Variants in HERC5 observed in about 807,000 individuals in gnomAD.
HERC5 encodes E3 ISG15--protein ligase HERC5.
Under a neutral mutation model 119.6 loss-of-function variants are expected in HERC5, and 99 were observed. That is an observed-to-expected ratio of 0.83 (90% CI 0.70 to 0.98). The LOEUF is 0.98. Among genes scored for constraint, HERC5 ranks in the 50% least tolerant of loss-of-function variants. The probability of loss-of-function intolerance (pLI) is 0.00; values close to 1 mark genes in which losing one functional copy is unlikely to be tolerated. For synonymous variants in HERC5, 478 were observed against 445.9 expected (o/e 1.07, Z -0.91); for missense variants, 1,267 against 1,241.3 (o/e 1.02, Z -0.31).
At chr4:88,486,736 C>T (rs1370038023) in intron 14 of HERC5, among the ~76,000 whole-genome samples, 1 of 152,218 alleles carries the variant, frequency 6.6e-6, no homozygotes, top group East Asian at 1.9e-4. Flanking sequence ...AGCTAACCAG[C>T]TACCCATGTT....
At chr4:88,486,819 C>G (rs900741972) in intron 14 of HERC5, among the ~76,000 whole-genome samples, 3 of 152,214 alleles carry the variant, frequency 2.0e-5, no homozygotes, top group Non-Finnish European at 1.5e-5. Flanking sequence ...GCAGAACAGA[C>G]TCTTTGGGAA....
At chr4:88,479,968 G>C (rs1741223228) in intron 13 of HERC5, among the ~76,000 whole-genome samples, 1 of 151,708 alleles carries the variant, frequency 6.6e-6, no homozygotes, top group African/African-American at 2.4e-5. Flanking sequence ...TCGGGAGGCT[G>C]AGGCAGGAGA....
rs768515516 is a variant in HERC5 at position 88,463,935 on chromosome 4, T to C, written c.861T>C (p.Cys287=). The C allele has an allele frequency of 3.1e-6, 5 of 1,613,766 alleles. No homozygotes were observed. The highest frequency in any genetic ancestry group is 4.2e-6 in the Non-Finnish European group (5 of 1,179,922). The change falls in exon 6 of 23, where the codon TGT becomes TGC. Residue 287 remains cysteine (C), a synonymous_variant. Coordinates refer to ENST00000264350, the MANE Select transcript of HERC5 (RefSeq NM_016323.4). Reference sequence around the variant, plus strand: ...CAACACAGAATGAGCTAAGACCCTGTTTGGTGGCTGAGCTTGTTGGGTATA... The same window carrying C: ...CAACACAGAATGAGCTAAGACCCTGCTTGGTGGCTGAGCTTGTTGGGTATA... ...HNSTQNELRP[C]LVAELVGYRV...
chr4:88,480,690 T>C (rs773398871), intron 13 of HERC5, among the ~76,000 whole-genome samples: 15 of 152,370 alleles, frequency 9.8e-5, no homozygotes, highest in Admixed American at 2.6e-4. Flanking sequence ...TGTCTGACTT[T>C]AACATTTTGA....
chr4:88,460,929 G>T (rs905412370), intron 3 of HERC5, among the ~76,000 whole-genome samples: 1 of 152,160 alleles, frequency 6.6e-6, no homozygotes, highest in Non-Finnish European at 1.5e-5. Context: ...GTTTGAGGCT[G>T]CAGTGAGCCA....
chr4:88,462,116 T>G lies in HERC5; in HGVS notation c.467-19T>G. On this transcript the variant is annotated intron_variant, in intron 3 of 22. Transcript: ENST00000264350. The stretch of plus-strand genomic sequence containing the variant: ...CATTTTAAATGGAATAAAACAGCAT[T>G]TGCTTTGTTTATGTCAAGGTGGTGA... The G allele has an allele frequency of 6.2e-7, 1 of 1,603,994 alleles. No homozygotes were observed. The highest frequency in any genetic ancestry group is 8.5e-7 in the Non-Finnish European group (1 of 1,172,618).
chr4:88,500,168 C>G (rs536252698), intron 19 of HERC5, among the ~76,000 whole-genome samples, 176 bp downstream of exon 19: 2 of 152,246 alleles, frequency 1.3e-5, no homozygotes, highest in East Asian at 3.9e-4. Context: ...TAACAGCCAA[C>G]CCTAAAACCT....
chr4:88,457,167 G>T lies in HERC5; in HGVS notation c.-103G>T, dbSNP rs1437710020. The T allele has an allele frequency of 2.4e-6, 3 of 1,235,862 alleles. No homozygotes were observed. The highest frequency in any genetic ancestry group is 1.6e-5 in the African/African-American group (1 of 64,324). 76.6% of individuals were successfully genotyped at this position (1,235,862 alleles called of 1,614,324 possible). A position where few individuals can be genotyped will look rare whatever the true frequency, so the allele number is the denominator to read the frequency against. On this transcript the variant is annotated 5_prime_UTR_variant, in exon 1 of 23. Transcript: ENST00000264350. ...GACGCCACGCAGCTGCGCGCAGCTG[G>T]TTCCCGCTCTGCAGCGCAACGCCTG...
At chr4:88,457,631 G>T in intron 1 of HERC5, 97 bp downstream of exon 1, 1 of 1,181,768 alleles carries the variant, frequency 8.5e-7, no homozygotes, top group Non-Finnish European at 1.1e-6. Context: ...CCTGAGGGAG[G>T]AGAGCCCAGA....
intron 12 of HERC5, among the ~76,000 whole-genome samples, chr4:88,478,289 C>G (rs1741153774): frequency 6.6e-6 from 1 of 152,170 alleles, no homozygotes; most frequent in South Asian, 2.1e-4. Context: ...ATAATATATA[C>G]TAAAATATTT....
At chr4:88,466,958 ACT>A (rs1740689375) in intron 6 of HERC5, 99 bp from the exon 7 acceptor site, 1 of 1,121,822 alleles carries the variant, frequency 8.9e-7, no homozygotes, top group South Asian at 1.5e-5. Context: ...GTTTAGTTTC[ACT>A]CTCACTGGGT....
chr4:88,491,343 C>A (rs1219280879), intron 16 of HERC5, among the ~76,000 whole-genome samples: 2 of 152,082 alleles, frequency 1.3e-5, no homozygotes, highest in African/African-American at 4.8e-5. Context: ...AGAAAATGCA[C>A]TGAATCTGAA....
chr4:88,470,236 T>G (rs777789865), intron 9 of HERC5, among the ~76,000 whole-genome samples: 20 of 152,202 alleles, frequency 1.3e-4, no homozygotes, highest in Non-Finnish European at 2.4e-4. Context: ...CTTCCCCCAT[T>G]TAATTTCTGG....
At chr4:88,494,134 AAT>A (rs1160625644) in intron 17 of HERC5, 29 bp from the exon 18 acceptor site, 1 of 1,465,332 alleles carries the variant, frequency 6.8e-7, no homozygotes, top group Non-Finnish European at 9.4e-7. Context: ...AAAAACTCAT[AAT>A]ACTTTAAGAT....
chr4:88,492,305 A>C (rs897636927), intron 16 of HERC5, among the ~76,000 whole-genome samples: 1 of 151,870 alleles, frequency 6.6e-6, no homozygotes, highest in Non-Finnish European at 1.5e-5. Flanking sequence ...CGCCCGGCCA[A>C]TTTTTATGAT....
chr4:88,479,374 A>G lies in HERC5; in HGVS notation c.1604A>G (p.Gln535Arg). 1.9e-6 allele frequency: 3 copies of G among 1,607,444 alleles called. No homozygotes were observed. The highest frequency in any genetic ancestry group is 2.5e-6 in the Non-Finnish European group (3 of 1,178,250). Residue 535 changes from glutamine (Q) to arginine (R), a missense_variant, in exon 13 of 23, where the codon CAA (glutamine) becomes CGA (arginine). Gln to Arg is a conservative substitution (Grantham distance 43). Transcript: ENST00000264350. The stretch of plus-strand genomic sequence containing the variant: ...TCAGAAGAGTATTGGGCAACTCTGC[A>G]AGAATCCACTTTCAGCAAACTGGTC... ...LVLEEYWATL[Q>R]ESTFSKLVQM...
intron 11 of HERC5, among the ~76,000 whole-genome samples, chr4:88,474,299 A>G (rs1440633205): frequency 6.6e-6 from 1 of 152,204 alleles, no homozygotes; most frequent in Non-Finnish European, 1.5e-5. Flanking sequence ...TTTTTACTCA[A>G]AACAAGTTGC....
chr4:88,501,015 G>A, intron 20 of HERC5, 30 bp downstream of exon 20: 1 of 1,448,600 alleles, frequency 6.9e-7, no homozygotes, highest in African/African-American at 1.4e-5. Flanking sequence ...TAGTTGGTTT[G>A]TATATGTACT....
At chr4:88,492,348 T>A (rs929167061) in intron 16 of HERC5, among the ~76,000 whole-genome samples, 27 of 152,108 alleles carry the variant, frequency 1.8e-4, no homozygotes, top group African/African-American at 6.3e-4. Context: ...TACTTGGATC[T>A]GGTGACTATA....
Sources: gnomAD v4.1 joint callset for allele counts (sites outside exome capture counted in the v4.1 genomes callset) on GRCh38, gnomAD v4.1.1 for gene constraint, MANE v1.5 for transcripts, NCBI Gene and HGNC (gene_info 2026-07-23, HGNC 2026-07-21) for gene names.